The following INPP4B variants were observed in gnomAD, a reference collection of about 807,000 sequenced individuals.
INPP4B encodes inositol polyphosphate-4-phosphatase type II B, also known as inositol polyphosphate 4-phosphatase type II.
In INPP4B, 55 loss-of-function variants were observed where a neutral mutation model predicts 122.5. The observed-to-expected ratio is 0.45, with a 90% confidence interval of 0.36 to 0.56. INPP4B has a LOEUF of 0.56. Among genes scored for constraint, INPP4B ranks in the 20% least tolerant of loss-of-function variants. INPP4B has a pLI of 0.00. For missense variants in INPP4B, 1,000 were observed against 1,097.7 expected, an observed-to-expected ratio of 0.91 and a Z score of 1.26; for synonymous variants, 403 against 388.7, an observed-to-expected ratio of 1.04 and a Z score of -0.43.
chr4:142,046,491 C>T (rs148207382), intron 25 of INPP4B, among the ~76,000 whole-genome samples: 5 of 151,814 alleles, frequency 3.3e-5, no homozygotes, highest in South Asian at 2.1e-4. Flanking sequence ...TTGAAGGAGG[C>T]GGGTAATCAA....
Position 142,184,313 on chromosome 4 carries a change from G to A in INPP4B, c.1181+8774C>T, listed in dbSNP as rs575900353. Among the ~76,000 whole-genome samples the A allele has an allele frequency of 6.6e-5, 10 of 152,148 alleles. No individual in the cohort carries two copies. In the East Asian group the frequency reaches 7.7e-4, roughly 12 times the overall value. On this transcript the variant is annotated intron_variant, in intron 15 of 25. Coordinates refer to ENST00000262992, the MANE Select transcript of INPP4B (RefSeq NM_001101669.3). ...TATAAATTGTCTCCCTTCTTCTTTC[G>A]GAAGACGTAAAAGTATATTTTCCCT...
At chr4:142,413,422 A>G (rs1337120177) in intron 5 of INPP4B, among the ~76,000 whole-genome samples, 1 of 152,212 alleles carries the variant, frequency 6.6e-6, no homozygotes, top group African/African-American at 2.4e-5. Flanking sequence ...CACACAGACA[A>G]ATAAATAAAG....
intron 2 of INPP4B, among the ~76,000 whole-genome samples, chr4:142,558,720 T>A (rs72726452): frequency 7.5e-6 from 1 of 133,366 alleles, no homozygotes; most frequent in Non-Finnish European, 1.5e-5. Context: ...AAAGGAAGCC[T>A]CAATTCAGAG....
At chr4:142,365,952 A>G (rs577978328) in intron 7 of INPP4B, among the ~76,000 whole-genome samples, 56 of 152,100 alleles carry the variant, frequency 3.7e-4, no homozygotes, top group Non-Finnish European at 6.2e-4. Flanking sequence ...GTGTTGGGGC[A>G]GCAACAATTT....
chr4:142,435,269 T>G (rs891495234), intron 3 of INPP4B, among the ~76,000 whole-genome samples: 1 of 152,154 alleles, frequency 6.6e-6, no homozygotes, highest in African/African-American at 2.4e-5. Flanking sequence ...TTCATTTAGT[T>G]TTGTTTTGTT....
chr4:142,317,490 C>T (rs1037379485), intron 7 of INPP4B: 13 of 276,790 alleles, frequency 4.7e-5, no homozygotes, highest in Non-Finnish European at 8.3e-5. Context: ...TATTCCAACG[C>T]GCATTATCCA....
chr4:142,287,436 A>C (rs1456429508), intron 9 of INPP4B: 1 of 152,218 alleles, frequency 6.6e-6, no homozygotes, highest in Non-Finnish European at 1.5e-5. Context: ...TAGGCATAAC[A>C]GTCAGACAAA....
chr4:142,028,746 G>A lies in INPP4B; in HGVS notation c.*36C>T. ...AAGGTGAAGATTATCCAACTGAAAT[G>A]TATTTGTGTTCCTGTTTATTAACAT... On this transcript the variant is annotated 3_prime_UTR_variant, in exon 26 of 26. Transcript: ENST00000262992. The A allele has an allele frequency of 6.3e-7, 1 of 1,588,706 alleles. No homozygotes were observed.
intron 23 of INPP4B, 120 bp from the exon 24 acceptor site, chr4:142,086,376 G>T: frequency 1.6e-6 from 1 of 634,232 alleles, no homozygotes; most frequent in South Asian, 1.9e-5. Context: ...GCAGGGTCTT[G>T]CTCTGCCTAC....
At chr4:142,735,797 A>G (rs1766776133) in intron 1 of INPP4B, among the ~76,000 whole-genome samples, 1 of 152,082 alleles carries the variant, frequency 6.6e-6, no homozygotes, top group Non-Finnish European at 1.5e-5. Flanking sequence ...TATTCTTTGT[A>G]TGTCTTTGCT....
chr4:142,158,879 T>C (rs1818598411), intron 17 of INPP4B, among the ~76,000 whole-genome samples: 1 of 151,938 alleles, frequency 6.6e-6, no homozygotes, highest in Non-Finnish European at 1.5e-5. Context: ...TGATTTAATA[T>C]AAAATGGTAA....
chr4:142,088,215 A>C (rs2152555688), intron 23 of INPP4B, among the ~76,000 whole-genome samples: 1 of 152,308 alleles, frequency 6.6e-6, no homozygotes, highest in South Asian at 2.1e-4. Context: ...GGGAGTTATA[A>C]AATCAGACCA....
rs1048650501 is a variant in INPP4B, at chr4:142,573,680, G to C, written c.-190-110954C>G. ...GGTAAAAGGATGCAGTTGCGTGGTGGGAAATTAGCACATCATTACAGGTTC... is the reference window on the plus strand; with the variant it reads ...GGTAAAAGGATGCAGTTGCGTGGTGCGAAATTAGCACATCATTACAGGTTC... On this transcript the variant is annotated intron_variant, in intron 2 of 25. Coordinates refer to ENST00000262992, the MANE Select transcript of INPP4B (RefSeq NM_001101669.3). Among the ~76,000 whole-genome samples the C allele has an allele frequency of 1.4e-4, 22 of 152,032 alleles. 1 individual carries two copies. The highest frequency in any genetic ancestry group is 4.6e-4 in the African/African-American group (19 of 41,404).
At chr4:142,674,666 A>G (rs962699324) in intron 2 of INPP4B, among the ~76,000 whole-genome samples, 1 of 152,194 alleles carries the variant, frequency 6.6e-6, no homozygotes, top group African/African-American at 2.4e-5. Context: ...GGAAATTATA[A>G]CAGTCTCTCA....
At chr4:142,516,000 C>A (rs1297532227) in intron 2 of INPP4B, among the ~76,000 whole-genome samples, 1 of 152,098 alleles carries the variant, frequency 6.6e-6, no homozygotes, top group African/African-American at 2.4e-5. Context: ...TGAAGGGATT[C>A]ATTTATTGGA....
At chr4:142,183,911 T>A (rs952313243) in intron 15 of INPP4B, among the ~76,000 whole-genome samples, 4 of 151,908 alleles carry the variant, frequency 2.6e-5, no homozygotes, top group Non-Finnish European at 5.9e-5. Context: ...TCTTGTTGAT[T>A]TTTTTTTCTG....
intron 9 of INPP4B, among the ~76,000 whole-genome samples, chr4:142,301,370 C>G (rs1255891145): frequency 6.6e-6 from 1 of 151,956 alleles, no homozygotes; most frequent in Non-Finnish European, 1.5e-5. Context: ...ACCCATTAAA[C>G]AAAAGAATAT....
intron 7 of INPP4B, among the ~76,000 whole-genome samples, chr4:142,396,031 AG>A (rs1799252109): frequency 6.6e-6 from 1 of 152,154 alleles, no homozygotes; most frequent in Non-Finnish European, 1.5e-5. Flanking sequence ...AGATTTTTTA[AG>A]AGGTTAAATC....
intron 25 of INPP4B, among the ~76,000 whole-genome samples, chr4:142,081,347 G>A (rs1393882776): frequency 6.6e-6 from 1 of 152,182 alleles, no homozygotes; most frequent in Non-Finnish European, 1.5e-5. Context: ...GATAGACACT[G>A]TGAATGAAGC....
Sources: gnomAD v4.1 joint callset for allele counts (sites outside exome capture counted in the v4.1 genomes callset) on GRCh38, gnomAD v4.1.1 for gene constraint, MANE v1.5 for transcripts, NCBI Gene and HGNC (gene_info 2026-07-23, HGNC 2026-07-21) for gene names.